KCTD8: variants seen among roughly 807,000 people sequenced by gnomAD.
The protein encoded by KCTD8 is BTB/POZ domain-containing protein KCTD8.
In KCTD8, 27 loss-of-function variants were observed where a neutral mutation model predicts 31.5. The ratio of observed to expected loss-of-function variants is 0.86; its 90% CI spans 0.63 to 1.18. The LOEUF (loss-of-function observed/expected upper bound fraction) is 1.18, where lower values mean the gene tolerates loss of function less well. Among genes scored for constraint, KCTD8 ranks in the 50% most tolerant of loss-of-function variants. The probability of loss-of-function intolerance (pLI) is 0.00; values close to 1 mark genes in which losing one functional copy is unlikely to be tolerated. For missense variants in KCTD8, 658 were observed against 647.7 expected (o/e 1.02, Z -0.17); for synonymous variants, 290 against 280.0 (o/e 1.04, Z -0.36).
At chr4:44,268,192 A>G (rs1287182967) in intron 1 of KCTD8, among the ~76,000 whole-genome samples, 1 of 152,076 alleles carries the variant, frequency 6.6e-6, no homozygotes, top group Non-Finnish European at 1.5e-5. Flanking sequence ...AAGCTTATCC[A>G]CCATAATCAA....
chr4:44,419,759 G>C (rs1378473414), intron 1 of KCTD8, among the ~76,000 whole-genome samples: 1 of 152,004 alleles, frequency 6.6e-6, no homozygotes, highest in African/African-American at 2.4e-5. Context: ...TAAATGACTA[G>C]TTGATGGGCG....
chr4:44,282,587 C>G (rs1278613786), intron 1 of KCTD8, among the ~76,000 whole-genome samples: 1 of 152,120 alleles, frequency 6.6e-6, no homozygotes, highest in African/African-American at 2.4e-5. Context: ...AAAGGTGAGA[C>G]AGGCCAAAAT....
At chr4:44,439,640 T>A (rs1221622257) in intron 1 of KCTD8, among the ~76,000 whole-genome samples, 1 of 152,108 alleles carries the variant, frequency 6.6e-6, no homozygotes, top group African/African-American at 2.4e-5. Context: ...AAAAAATGAA[T>A]CAAGATTGTA....
intron 1 of KCTD8, among the ~76,000 whole-genome samples, chr4:44,444,239 T>TA (rs1280116616): frequency 6.6e-6 from 1 of 152,218 alleles, no homozygotes; most frequent in Non-Finnish European, 1.5e-5. Flanking sequence ...TTTCAAGTCC[T>TA]AGTGCTAAAA....
intron 1 of KCTD8, among the ~76,000 whole-genome samples, chr4:44,408,221 G>A (rs1321280271): frequency 6.6e-6 from 1 of 152,108 alleles, no homozygotes; most frequent in African/African-American, 2.4e-5. Context: ...ATGAAATAGT[G>A]TATAAAAAGT....
At chr4:44,237,411 T>C (rs1715324531) in intron 1 of KCTD8, among the ~76,000 whole-genome samples, 1 of 152,140 alleles carries the variant, frequency 6.6e-6, no homozygotes, top group South Asian at 2.1e-4. Flanking sequence ...CATGACCCTA[T>C]GGGTTATTAT....
chr4:44,181,847 C>T (rs1364727498), intron 1 of KCTD8, among the ~76,000 whole-genome samples: 2 of 151,522 alleles, frequency 1.3e-5, no homozygotes, highest in East Asian at 3.9e-4. Context: ...TGGGGAGCGC[C>T]TCTGCCCGGC....
At chr4:44,208,472 G>A (rs572849853) in intron 1 of KCTD8, among the ~76,000 whole-genome samples, 85 of 152,042 alleles carry the variant, frequency 5.6e-4, no homozygotes, top group Non-Finnish European at 7.2e-4. Flanking sequence ...TCCGTAACAC[G>A]AAGCATTTCC....
intron 1 of KCTD8, among the ~76,000 whole-genome samples, chr4:44,356,044 A>C (rs1719333673): frequency 6.6e-6 from 1 of 152,196 alleles, no homozygotes; most frequent in Non-Finnish European, 1.5e-5. Context: ...TCAACCCTAA[A>C]TATACATATA....
At chr4:44,379,656 T>C (rs1720009403) in intron 1 of KCTD8, among the ~76,000 whole-genome samples, 1 of 152,132 alleles carries the variant, frequency 6.6e-6, no homozygotes, top group Admixed American at 6.6e-5. Flanking sequence ...TACTGTAAAA[T>C]AACTTCCATC....
At chr4:44,308,461 T>C (rs10805125) in intron 1 of KCTD8, among the ~76,000 whole-genome samples, 75,474 of 151,890 alleles carry the variant, frequency 0.5, 18,884 homozygotes, top group Middle Eastern at 0.61. Flanking sequence ...AACAGTCACA[T>C]GTAAATAGGA....
intron 1 of KCTD8, among the ~76,000 whole-genome samples, chr4:44,402,506 A>T (rs1720690113): frequency 6.6e-6 from 1 of 152,172 alleles, no homozygotes; most frequent in Non-Finnish European, 1.5e-5. Context: ...AGTCTACGGT[A>T]GTGCCCCCAT....
chr4:44,216,852 T>C (rs1325518481), intron 1 of KCTD8, among the ~76,000 whole-genome samples: 1 of 152,232 alleles, frequency 6.6e-6, no homozygotes, highest in Non-Finnish European at 1.5e-5. Flanking sequence ...ACAGACGGCA[T>C]ATTAAGCATG....
At position 44,382,495 on chromosome 4, in the gene KCTD8, G is replaced by A. The variant is rs1720094430; in HGVS notation, c.961+65068C>T. The stretch of plus-strand genomic sequence containing the variant: ...TAATCTCACTACTTTGGGAGACCAA[G>A]GCAGGCAGATTACCTGAGGTCAACA... On this transcript the variant is annotated intron_variant, in intron 1 of 1. Coordinates refer to ENST00000360029, the MANE Select transcript of KCTD8 (RefSeq NM_198353.3). 2.6e-5 allele frequency among the ~76,000 whole-genome samples: 4 copies of A among 151,982 alleles called. No homozygotes were observed. In the South Asian group the frequency reaches 8.3e-4, roughly 32 times the overall value.
chr4:44,373,779 T>G (rs1358928129), intron 1 of KCTD8, among the ~76,000 whole-genome samples: 5 of 152,084 alleles, frequency 3.3e-5, no homozygotes, highest in Non-Finnish European at 7.4e-5. Flanking sequence ...TTCTCTTACT[T>G]TCCCATGCCA....
chr4:44,350,147 T>G (rs1163840703), intron 1 of KCTD8, among the ~76,000 whole-genome samples: 2 of 152,194 alleles, frequency 1.3e-5, no homozygotes, highest in Non-Finnish European at 1.5e-5. Context: ...CTCCTCTGCC[T>G]GTATCTGATA....
chr4:44,434,447 C>A (rs1721593697), intron 1 of KCTD8, among the ~76,000 whole-genome samples: 1 of 151,786 alleles, frequency 6.6e-6, no homozygotes. Flanking sequence ...AATGACTTAG[C>A]CAAAGTCACA....
chr4:44,435,408 A>G (rs1286663685), intron 1 of KCTD8, among the ~76,000 whole-genome samples: 1 of 152,096 alleles, frequency 6.6e-6, no homozygotes, highest in Admixed American at 6.6e-5. Flanking sequence ...AATTTAACAG[A>G]TATTCTTTTA....
chr4:44,428,797 A>C (rs910476687), intron 1 of KCTD8, among the ~76,000 whole-genome samples: 2 of 151,854 alleles, frequency 1.3e-5, no homozygotes, highest in Non-Finnish European at 1.5e-5. Context: ...TAAAGACCAC[A>C]CTGAAATATA....
Sources: gnomAD v4.1 joint callset for allele counts (sites outside exome capture counted in the v4.1 genomes callset) on GRCh38, gnomAD v4.1.1 for gene constraint, MANE v1.5 for transcripts, NCBI Gene and HGNC (gene_info 2026-07-23, HGNC 2026-07-21) for gene names.